THSD7B: variants seen among roughly 807,000 people sequenced by gnomAD.
THSD7B encodes thrombospondin type 1 domain containing 7B, also known as thrombospondin type-1 domain-containing protein 7B.
THSD7B carries 138 observed loss-of-function variants against 213.6 expected under a neutral mutation model. The ratio of observed to expected loss-of-function variants is 0.65; its 90% CI spans 0.56 to 0.74. The LOEUF (loss-of-function observed/expected upper bound fraction) is 0.74. Among genes scored for constraint, THSD7B ranks in the 30% least tolerant of loss-of-function variants. The probability of loss-of-function intolerance (pLI) is 0.00; values close to 1 mark genes in which losing one functional copy is unlikely to be tolerated. For missense variants in THSD7B, 1,931 were observed against 1,991.5 expected (o/e 0.97, Z 0.58); for synonymous variants, 742 against 687.0 (o/e 1.08, Z -1.25).
At chr2:137,186,593 A>G (rs1190529989) in intron 7 of THSD7B, among the ~76,000 whole-genome samples, 1 of 152,016 alleles carries the variant, frequency 6.6e-6, no homozygotes, top group Non-Finnish European at 1.5e-5. Context: ...TACCCATACT[A>G]TGTTGGTTTG....
At chr2:136,898,597 C>A (rs1684007395) in intron 2 of THSD7B, among the ~76,000 whole-genome samples, 1 of 135,660 alleles carries the variant, frequency 7.4e-6, no homozygotes, top group Non-Finnish European at 1.6e-5. Flanking sequence ...GCCAAAAGAG[C>A]TCACAGTATG....
chr2:136,777,215 G>A (rs1449483263), intron 1 of THSD7B, among the ~76,000 whole-genome samples: 1 of 152,104 alleles, frequency 6.6e-6, no homozygotes, highest in Non-Finnish European at 1.5e-5. Flanking sequence ...GAAATGAAAC[G>A]GTGGGTGATG....
intron 5 of THSD7B, among the ~76,000 whole-genome samples, chr2:137,149,977 C>G (rs12990413): frequency 0.06 from 9,174 of 152,202 alleles, 287 homozygotes; most frequent in Admixed American, 0.078. Context: ...TGCAGTGGCT[C>G]ACGCCTGTAA....
At chr2:137,565,658 G>T (rs1400697020) in intron 16 of THSD7B, among the ~76,000 whole-genome samples, 1 of 152,134 alleles carries the variant, frequency 6.6e-6, no homozygotes, top group African/African-American at 2.4e-5. Flanking sequence ...CAGTCCCCTA[G>T]AATTTATGTC....
At chr2:137,077,378 C>G (rs1404224145) in intron 3 of THSD7B, among the ~76,000 whole-genome samples, 1 of 152,150 alleles carries the variant, frequency 6.6e-6, no homozygotes, top group East Asian at 1.9e-4. Context: ...ATTTCTAACT[C>G]TAGATCCCTG....
intron 15 of THSD7B, among the ~76,000 whole-genome samples, chr2:137,492,776 C>G (rs1261378660): frequency 1.3e-5 from 2 of 152,094 alleles, no homozygotes; most frequent in Admixed American, 1.3e-4. Flanking sequence ...AACACAAGAA[C>G]TTAGCACTTA....
At chr2:136,992,704 T>C (rs1685810781) in intron 2 of THSD7B, among the ~76,000 whole-genome samples, 1 of 152,052 alleles carries the variant, frequency 6.6e-6, no homozygotes, top group Admixed American at 6.5e-5. Context: ...TCCCTGGGGG[T>C]GTTAACAACT....
rs16848214 is a variant in THSD7B, at chr2:136,873,565, A to G, written c.-35-8579A>G. ...GGTACAGAGTGCTTTTTAGCTCTTC[A>G]GAAATATGGCACAAAGTCACAAGAT... is the stretch of plus-strand genomic sequence containing the variant. On this transcript the variant is annotated intron_variant, in intron 1 of 27. Coordinates refer to ENST00000409968, the MANE Select transcript of THSD7B (RefSeq NM_001316349.2). 6.1e-3 allele frequency among the ~76,000 whole-genome samples: 928 copies of G among 152,324 alleles called. 6 individuals carry two copies. Among genetic ancestry groups the G allele is most frequent in the African/African-American group, 0.021 (875 of 41,574 alleles).
At chr2:136,786,503 C>T (rs1286170807) in intron 1 of THSD7B, among the ~76,000 whole-genome samples, 1 of 152,020 alleles carries the variant, frequency 6.6e-6, no homozygotes, top group Non-Finnish European at 1.5e-5. Flanking sequence ...AATATATCAC[C>T]TCCTGGATTC....
At chr2:137,304,823 G>A (rs1683706385) in intron 12 of THSD7B, among the ~76,000 whole-genome samples, 1 of 151,884 alleles carries the variant, frequency 6.6e-6, no homozygotes, top group Admixed American at 6.6e-5. Context: ...TAGCAACTGT[G>A]CCTCAAAATA....
At chr2:137,241,313 T>C (rs993521529) in intron 9 of THSD7B, among the ~76,000 whole-genome samples, 2 of 152,230 alleles carry the variant, frequency 1.3e-5, no homozygotes, top group African/African-American at 4.8e-5. Context: ...CTGTTTTTCT[T>C]CTTGGTGTAA....
chr2:137,099,412 C>T (rs1016720327), intron 4 of THSD7B, among the ~76,000 whole-genome samples: 4 of 152,076 alleles, frequency 2.6e-5, no homozygotes, highest in Non-Finnish European at 4.4e-5. Flanking sequence ...AGACAAAGAA[C>T]GTAGAGCTGT....
intron 15 of THSD7B, among the ~76,000 whole-genome samples, chr2:137,521,204 T>G (rs1680177710): frequency 6.6e-6 from 1 of 152,196 alleles, no homozygotes; most frequent in Non-Finnish European, 1.5e-5. Flanking sequence ...CCCCAGATTA[T>G]GAGATTCTAT....
intron 2 of THSD7B, among the ~76,000 whole-genome samples, chr2:136,963,657 T>C (rs1027526705): frequency 1.3e-5 from 2 of 151,930 alleles, no homozygotes; most frequent in African/African-American, 4.8e-5. Flanking sequence ...AAAAAATAAA[T>C]AAATGAAAGA....
chr2:137,613,884 A>G (rs1367797413), intron 17 of THSD7B, among the ~76,000 whole-genome samples: 1 of 152,148 alleles, frequency 6.6e-6, no homozygotes, highest in Non-Finnish European at 1.5e-5. Context: ...TAATAGAGAG[A>G]AAGAAATAAG....
chr2:137,224,024 T>C (rs968903229), intron 7 of THSD7B, among the ~76,000 whole-genome samples: 2 of 152,174 alleles, frequency 1.3e-5, no homozygotes, highest in Admixed American at 6.5e-5. Flanking sequence ...ATGAGCCAAT[T>C]TAACCTCTTT....
intron 5 of THSD7B, among the ~76,000 whole-genome samples, chr2:137,155,216 G>T (rs1251172627): frequency 6.6e-6 from 1 of 152,134 alleles, no homozygotes; most frequent in Non-Finnish European, 1.5e-5. Context: ...GAGTCTCTGT[G>T]GGGATTAACA....
At chr2:137,412,877 C>T (rs1288944060) in intron 14 of THSD7B, among the ~76,000 whole-genome samples, 1 of 148,702 alleles carries the variant, frequency 6.7e-6, no homozygotes, top group Non-Finnish European at 1.5e-5. Flanking sequence ...ATTTCCTGCT[C>T]TGTTTTTCTT....
intron 15 of THSD7B, among the ~76,000 whole-genome samples, chr2:137,517,676 GC>G (rs1367239722): frequency 3.0e-4 from 45 of 152,212 alleles, no homozygotes; most frequent in Non-Finnish European, 2.4e-4. Flanking sequence ...GGTCCAGCCT[GC>G]TGTGCAAGCT....
Sources: allele counts gnomAD v4.1 joint callset (sites outside exome capture counted in the v4.1 genomes callset), GRCh38; gene constraint gnomAD v4.1.1; transcripts MANE v1.5; gene names NCBI Gene and HGNC (gene_info 2026-07-23, HGNC 2026-07-21).